FBXO33: variants seen among roughly 807,000 people sequenced by gnomAD.
FBXO33 encodes F-box protein 33.
A neutral mutation model predicts 46.3 loss-of-function variants in FBXO33; 22 were observed. The observed-to-expected ratio is 0.48, with a 90% CI of 0.34 to 0.68. FBXO33 has a LOEUF of 0.68. Among genes scored for constraint, FBXO33 ranks in the 30% least tolerant of loss-of-function variants. The pLI, the probability that FBXO33 is intolerant of heterozygous loss-of-function variation, is 0.01. For missense variants in FBXO33, 692 were observed against 708.8 expected (o/e 0.98, Z 0.27); for synonymous variants, 337 against 291.3 (o/e 1.16, Z -1.60).
At chr14:39,421,941 C>T (rs2075487267) in intron 1 of FBXO33, among the ~76,000 whole-genome samples, 1 of 152,108 alleles carries the variant, frequency 6.6e-6, no homozygotes, top group Non-Finnish European at 1.5e-5. Flanking sequence ...TACTTTATTC[C>T]ACTTCTAGAA....
chr14:39,413,263 A>C (rs1182709326), intron 1 of FBXO33, among the ~76,000 whole-genome samples: 1 of 152,242 alleles, frequency 6.6e-6, no homozygotes, highest in African/African-American at 2.4e-5. Context: ...CTAATCTCAA[A>C]AACCACTTTG....
Position 39,400,557 on chromosome 14 carries a change from TA to T in FBXO33, c.1396+618del, listed in dbSNP as rs750098496. On this transcript the variant is annotated intron_variant, in intron 3 of 3. Coordinates refer to ENST00000298097, the MANE Select transcript of FBXO33 (RefSeq NM_203301.4). The stretch of plus-strand genomic sequence containing the variant: ...TACATTCCCAAATACAAATGCACAC[TA>T]AAAAAAAAATAATGAAACAGTGCTA... Among the ~76,000 whole-genome samples, 22 of 148,044 alleles carry T rather than the reference TA, an allele frequency of 1.5e-4. No individual in the cohort carries two copies. The South Asian group carries it at 2.1e-3, about 14-fold the overall frequency.
At chr14:39,421,084 T>G (rs1161147164) in intron 1 of FBXO33, among the ~76,000 whole-genome samples, 38 of 152,212 alleles carry the variant, frequency 2.5e-4, no homozygotes, top group Non-Finnish European at 8.8e-5. Context: ...GTGGTCTATG[T>G]GTAGATTCTA....
chr14:39,426,311 C>A (rs2075514374), intron 1 of FBXO33, among the ~76,000 whole-genome samples: 1 of 151,930 alleles, frequency 6.6e-6, no homozygotes, highest in South Asian at 2.1e-4. Context: ...GCTATACTTC[C>A]AAAATCCATC....
At chr14:39,402,541 C>A in intron 1 of FBXO33, 30 bp from the exon 2 acceptor site, 2 of 1,126,080 alleles carry the variant, frequency 1.8e-6, no homozygotes, top group Non-Finnish European at 2.4e-6. Context: ...AAATGATTTG[C>A]TAAATAATTT....
intron 1 of FBXO33, among the ~76,000 whole-genome samples, chr14:39,425,441 A>C (rs2075508046): frequency 6.6e-6 from 1 of 152,252 alleles, no homozygotes; most frequent in Non-Finnish European, 1.5e-5. Context: ...TGGTTCTTTA[A>C]AAAGATGCTC....
intron 1 of FBXO33, among the ~76,000 whole-genome samples, chr14:39,418,235 T>G (rs553679022): frequency 1.3e-5 from 2 of 151,364 alleles, no homozygotes; most frequent in African/African-American, 4.8e-5. Context: ...GGCTAATTTT[T>G]TGTGTTTTTA....
chr14:39,403,832 C>T (rs1176327099), intron 1 of FBXO33, among the ~76,000 whole-genome samples: 2 of 145,366 alleles, frequency 1.4e-5, no homozygotes, highest in Non-Finnish European at 3.0e-5. Flanking sequence ...CACAGTGTCT[C>T]ACTCTGTTGT....
At chr14:39,427,122 T>C (rs2075519762) in intron 1 of FBXO33, among the ~76,000 whole-genome samples, 1 of 152,268 alleles carries the variant, frequency 6.6e-6, no homozygotes, top group East Asian at 1.9e-4. Context: ...AGATATTTAA[T>C]CACTCCACTC....
chr14:39,417,929 T>C (rs529991240), intron 1 of FBXO33, among the ~76,000 whole-genome samples: 35 of 152,250 alleles, frequency 2.3e-4, no homozygotes, highest in Admixed American at 3.3e-4. Flanking sequence ...TGTGAAAAAA[T>C]ACATGATATA....
chr14:39,400,208 C>T (rs978066555), intron 3 of FBXO33, among the ~76,000 whole-genome samples: 1 of 152,166 alleles, frequency 6.6e-6, no homozygotes, highest in African/African-American at 2.4e-5. Context: ...AAAATCATCT[C>T]CTATAATGCT....
At chr14:39,419,470 T>C (rs1238633319) in intron 1 of FBXO33, among the ~76,000 whole-genome samples, 1 of 152,222 alleles carries the variant, frequency 6.6e-6, no homozygotes, top group Non-Finnish European at 1.5e-5. Flanking sequence ...GGCTCATTAT[T>C]GTTTCAGATA....
chr14:39,401,145 G>T, intron 3 of FBXO33, 31 bp downstream of exon 3: 2 of 1,534,912 alleles, frequency 1.3e-6, no homozygotes, highest in Non-Finnish European at 1.7e-6. Context: ...TCTAATTCCA[G>T]TATCAGATTA....
rs1206594193 is a variant in FBXO33, at chr14:39,432,003, G to C, written c.160C>G (p.Arg54Gly). The C allele has an allele frequency of 5.6e-6, 8 of 1,422,808 alleles. No homozygotes were observed. Among genetic ancestry groups the C allele is most frequent in the Non-Finnish European group, 7.3e-6 (8 of 1,100,920 alleles). 88.1% of individuals were successfully genotyped at this position (1,422,808 alleles called of 1,614,324 possible). ...VLRGRPGAGS[R>G]RRGRMALCGQ... ...CACAGAGCCATCCGGCCCCGCCGCC[G>C]GCTGCCGGCTCCCGGCCGCCCCCGC... The change falls in exon 1 of 4, where the codon CGG becomes GGG. Residue 54 changes from arginine to glycine, a missense_variant. Arg to Gly is a moderately radical substitution (Grantham distance 125). Coordinates refer to ENST00000298097, the MANE Select transcript of FBXO33 (RefSeq NM_203301.4).
At chr14:39,411,906 T>C (rs2075425079) in intron 1 of FBXO33, among the ~76,000 whole-genome samples, 1 of 152,252 alleles carries the variant, frequency 6.6e-6, no homozygotes, top group African/African-American at 2.4e-5. Context: ...TTTTATATTA[T>C]TGTGGTCAGA....
rs942383934 is a variant in FBXO33 at position 39,401,661 on chromosome 14, C to T, written c.911G>A (p.Arg304Gln). 8 of 1,614,068 alleles carry T rather than the reference C, an allele frequency of 5.0e-6. No individual in the cohort carries two copies. The highest frequency in any genetic ancestry group is 4.5e-5 in the East Asian group (2 of 44,896). ...GGCAAGTGAGTGCAGATTCACAAAT[C>T]GCTCCAGTTCAACTGCAGTAATAAG... Reference protein sequence around the residue: ...STLITAVELERFVNLHSLALD... With the variant: ...STLITAVELEQFVNLHSLALD... The change falls in exon 3 of 4, where the codon CGA becomes CAA. Residue 304 changes from arginine to glutamine, a missense_variant. By Grantham distance (43) the Arg-to-Gln change is conservative (BLOSUM62 1). Around this residue, in one of 3 missense-constraint regions of FBXO33, gnomAD observed 186 missense variants for 246.1 expected, o/e 0.76. Transcript: ENST00000298097.
intron 1 of FBXO33, among the ~76,000 whole-genome samples, chr14:39,410,160 T>C (rs779133741): frequency 6.6e-6 from 1 of 152,234 alleles, no homozygotes; most frequent in Non-Finnish European, 1.5e-5. Context: ...TATTAAGCTG[T>C]GGGCTTGTCA....
At chr14:39,418,156 C>T (rs979307489) in intron 1 of FBXO33, among the ~76,000 whole-genome samples, 9 of 151,534 alleles carry the variant, frequency 5.9e-5, no homozygotes, top group African/African-American at 9.7e-5. Context: ...CTCCGCCTCC[C>T]GGGTTCACGT....
chr14:39,400,337 G>A (rs1456833995), intron 3 of FBXO33, among the ~76,000 whole-genome samples: 2 of 152,090 alleles, frequency 1.3e-5, no homozygotes, highest in Non-Finnish European at 2.9e-5. Context: ...AACTACTTCT[G>A]GGAAGGAATA....
Sources: gnomAD v4.1 joint callset for allele counts (sites outside exome capture counted in the v4.1 genomes callset) on GRCh38, gnomAD v4.1.1 for gene constraint, gnomAD v4.1.1 regional missense constraint, MANE v1.5 for transcripts, NCBI Gene and HGNC (gene_info 2026-07-23, HGNC 2026-07-21) for gene names.